The following SPPL2A variants were observed in gnomAD, a reference collection of about 807,000 sequenced individuals.
The protein encoded by SPPL2A is signal peptide peptidase like 2A, also known as signal peptide peptidase-like 2A.
A neutral mutation model predicts 63.8 loss-of-function variants in SPPL2A; 51 were observed. The observed-to-expected ratio is 0.80, with a 90% CI of 0.64 to 1.01. The LOEUF (loss-of-function observed/expected upper bound fraction) is 1.01. Ranked by LOEUF, SPPL2A falls within the 50% of genes least tolerant of loss-of-function variation. The pLI is 0.00. For synonymous variants in SPPL2A, 188 were observed against 205.8 expected (o/e 0.91, Z 0.74); for missense variants, 553 against 622.7 (o/e 0.89, Z 1.19).
chr15:50,712,678 C>CTT (rs1567148202), intron 14 of SPPL2A, among the ~76,000 whole-genome samples: 2 of 126,354 alleles, frequency 1.6e-5, no homozygotes, highest in African/African-American at 2.9e-5. Flanking sequence ...CCTCCCCCCC[C>CTT]CTTTTTTTTT....
chr15:50,711,045 C>T (rs567929974), intron 14 of SPPL2A, among the ~76,000 whole-genome samples: 36 of 152,098 alleles, frequency 2.4e-4, no homozygotes, highest in Middle Eastern at 3.4e-3. Context: ...TCTTTATTTG[C>T]TTTATACTAA....
intron 1 of SPPL2A, among the ~76,000 whole-genome samples, chr15:50,763,328 A>T (rs1043526092): frequency 1.3e-5 from 2 of 152,204 alleles, no homozygotes; most frequent in African/African-American, 2.4e-5. Flanking sequence ...AATTAAAGGA[A>T]GGAGGAACCA....
At chr15:50,759,742 CAAAA>C (rs1033241605) in intron 1 of SPPL2A, among the ~76,000 whole-genome samples, 1 of 112,604 alleles carries the variant, frequency 8.9e-6, no homozygotes, top group Non-Finnish European at 1.9e-5. Flanking sequence ...GACTCTGTCT[CAAAA>C]AAAAAAAAAG....
chr15:50,764,102 C>T (rs1417505783), intron 1 of SPPL2A, among the ~76,000 whole-genome samples: 2 of 152,144 alleles, frequency 1.3e-5, no homozygotes, highest in East Asian at 3.9e-4. Flanking sequence ...ACTGATGTAT[C>T]ACTAAGCTAT....
chr15:50,752,190 G>A (rs964929699), intron 1 of SPPL2A, among the ~76,000 whole-genome samples: 2 of 152,026 alleles, frequency 1.3e-5, no homozygotes, highest in African/African-American at 4.8e-5. Context: ...TATCAGTAGA[G>A]ATGCATTAAT....
chr15:50,765,205 T>C (rs1017611485), intron 1 of SPPL2A, among the ~76,000 whole-genome samples: 7 of 151,938 alleles, frequency 4.6e-5, no homozygotes, highest in Non-Finnish European at 7.4e-5. Flanking sequence ...TCTGATCTTT[T>C]TGCGGTAGGT....
chr15:50,708,921 C>T (rs977812902), intron 14 of SPPL2A, among the ~76,000 whole-genome samples: 2 of 151,490 alleles, frequency 1.3e-5, no homozygotes, highest in African/African-American at 2.4e-5. Flanking sequence ...CCTGTAGTCC[C>T]AGCTAATTGG....
chr15:50,737,474 A>G (rs2062780218), intron 6 of SPPL2A, among the ~76,000 whole-genome samples: 1 of 151,818 alleles, frequency 6.6e-6, no homozygotes. Flanking sequence ...TTTTTTTGAG[A>G]TGGAGTCTCA....
At chr15:50,719,603 G>A (rs1050042446) in intron 14 of SPPL2A, among the ~76,000 whole-genome samples, 1 of 152,124 alleles carries the variant, frequency 6.6e-6, no homozygotes, top group African/African-American at 2.4e-5. Context: ...CTAATGCTTA[G>A]TCTCAAAATT....
chr15:50,745,788 C>A (rs1310541224), intron 5 of SPPL2A, among the ~76,000 whole-genome samples: 3 of 151,994 alleles, frequency 2.0e-5, no homozygotes. Flanking sequence ...CGGTAGCTCA[C>A]GCCTGTAATC....
intron 12 of SPPL2A, among the ~76,000 whole-genome samples, chr15:50,723,658 T>A (rs909573828): frequency 1.3e-5 from 2 of 152,120 alleles, no homozygotes; most frequent in Non-Finnish European, 2.9e-5. Flanking sequence ...GTATTTTTAG[T>A]AGAGATGGGG....
At chr15:50,745,402 C>T (rs1315426024) in intron 5 of SPPL2A, among the ~76,000 whole-genome samples, 1 of 125,422 alleles carries the variant, frequency 8.0e-6, no homozygotes, top group African/African-American at 3.4e-5. Flanking sequence ...CCGCCTGCCT[C>T]AGCCTCCAAA....
chr15:50,714,414 C>CT lies in SPPL2A; in HGVS notation c.1488+5525_1488+5526insA, dbSNP rs1487878014. ...TGGGAGGCCGAGGTTGGTGGATCAT[C>CT]GAGGGTCAGGAGTTTGAGACTAGCC... On this transcript the variant is annotated intron_variant, in intron 14 of 14. Coordinates refer to ENST00000261854, the MANE Select transcript of SPPL2A (RefSeq NM_032802.4). 3.0e-4 allele frequency among the ~76,000 whole-genome samples: 45 copies of CT among 151,930 alleles called. No individual in the cohort carries two copies. The East Asian group carries it at 8.6e-3, about 29-fold the overall frequency.
chr15:50,719,213 T>A (rs961209958), intron 14 of SPPL2A, among the ~76,000 whole-genome samples: 2 of 152,172 alleles, frequency 1.3e-5, no homozygotes, highest in Non-Finnish European at 2.9e-5. Context: ...GAATGCCCTA[T>A]CTAGTTTGGT....
chr15:50,738,995 C>T (rs116793335), intron 6 of SPPL2A, among the ~76,000 whole-genome samples: 1,549 of 152,022 alleles, frequency 0.01, 31 homozygotes, highest in African/African-American at 0.036. Flanking sequence ...GGCAATACAT[C>T]AGTAATTTGA....
chr15:50,744,525 T>C (rs2062844044), intron 5 of SPPL2A, among the ~76,000 whole-genome samples: 1 of 152,192 alleles, frequency 6.6e-6, no homozygotes, highest in Admixed American at 6.5e-5. Context: ...GTTATGAATA[T>C]ACACTGACTC....
intron 1 of SPPL2A, among the ~76,000 whole-genome samples, chr15:50,753,046 T>C (rs1049165819): frequency 6.6e-6 from 1 of 152,186 alleles, no homozygotes; most frequent in Non-Finnish European, 1.5e-5. Flanking sequence ...AACTGTAATA[T>C]TGTATGTAAT....
intron 5 of SPPL2A, among the ~76,000 whole-genome samples, chr15:50,741,229 C>T (rs944066784): frequency 6.6e-6 from 1 of 152,046 alleles, no homozygotes; most frequent in Non-Finnish European, 1.5e-5. Context: ...TACTTTTCAA[C>T]AACTCTGTTC....
intron 14 of SPPL2A, among the ~76,000 whole-genome samples, chr15:50,709,348 G>A (rs1480039547): frequency 6.6e-6 from 1 of 152,138 alleles, no homozygotes; most frequent in African/African-American, 2.4e-5. Flanking sequence ...TTTGAAAAGT[G>A]GTTCTGAAGG....
Sources: allele counts gnomAD v4.1 joint callset (sites outside exome capture counted in the v4.1 genomes callset), GRCh38; gene constraint gnomAD v4.1.1; transcripts MANE v1.5; gene names NCBI Gene and HGNC (gene_info 2026-07-23, HGNC 2026-07-21).